FMNL2: variants seen among roughly 807,000 people sequenced by gnomAD.
FMNL2 encodes formin-like protein 2.
Under a neutral mutation model 130.2 loss-of-function variants are expected in FMNL2, and 51 were observed. The ratio of observed to expected loss-of-function variants is 0.39; its 90% CI spans 0.31 to 0.49. The LOEUF is 0.49. FMNL2 is among the 20% of genes least tolerant of loss of function. FMNL2 has a pLI of 0.85. For synonymous variants in FMNL2, 465 were observed against 467.1 expected, an observed-to-expected ratio of 1.00 and a Z score of 0.06; for missense variants, 977 against 1,316.2, an observed-to-expected ratio of 0.74 and a Z score of 3.99.
intron 9 of FMNL2, among the ~76,000 whole-genome samples, chr2:152,589,106 T>TAA (rs397940537): frequency 0.024 from 3,446 of 141,926 alleles, 132 homozygotes; most frequent in African/African-American, 0.083. Flanking sequence ...TGGGGGAGCT[T>TAA]AAAAAAAAAA....
rs1454316622 is a variant in FMNL2 at position 152,370,827 on chromosome 2, C to T, written c.117+35107C>T. ...CTACTGCAAAGCTAGAGGCTTAAAA[C>T]TATGGTAAATATTTATTATCTCCCA... On this transcript the variant is annotated intron_variant, in intron 1 of 25. Coordinates refer to ENST00000288670, the MANE Select transcript of FMNL2 (RefSeq NM_052905.4). 2.0e-5 allele frequency among the ~76,000 whole-genome samples: 3 copies of T among 152,286 alleles called. No individual in the cohort carries two copies. In the East Asian group the frequency reaches 5.8e-4, roughly 29 times the overall value.
intron 1 of FMNL2, among the ~76,000 whole-genome samples, chr2:152,486,935 AAATATTT>A (rs1202199489): frequency 2.0e-5 from 3 of 152,194 alleles, no homozygotes; most frequent in Non-Finnish European, 2.9e-5. Context: ...GCTTAACTTA[AAATATTT>A]AGTTTTCTTC....
intron 1 of FMNL2, among the ~76,000 whole-genome samples, chr2:152,407,745 G>A (rs375063648): frequency 2.0e-5 from 3 of 152,108 alleles, no homozygotes; most frequent in Non-Finnish European, 4.4e-5. Context: ...TGTTGGTTTC[G>A]TCTTAATTAG....
chr2:152,606,629 CTTTTTT>C (rs70974875), intron 9 of FMNL2, among the ~76,000 whole-genome samples: 8 of 105,468 alleles, frequency 7.6e-5, no homozygotes, highest in Non-Finnish European at 9.4e-5. Flanking sequence ...TTTTTTGACT[CTTTTTT>C]TTTTTTTTTT....
At chr2:152,367,199 T>G (rs1278043533) in intron 1 of FMNL2, among the ~76,000 whole-genome samples, 2 of 151,338 alleles carry the variant, frequency 1.3e-5, no homozygotes, top group Non-Finnish European at 2.9e-5. Flanking sequence ...CCTTAGCCTC[T>G]CGAGTAGCTG....
At chr2:152,573,841 C>A (rs116481125) in intron 6 of FMNL2, among the ~76,000 whole-genome samples, 1 of 151,936 alleles carries the variant, frequency 6.6e-6, no homozygotes, top group South Asian at 2.1e-4. Flanking sequence ...TTATATATTG[C>A]GTATTTTCTA....
chr2:152,618,027 G>T (rs1033770153), intron 13 of FMNL2, among the ~76,000 whole-genome samples: 29 of 152,132 alleles, frequency 1.9e-4, no homozygotes, highest in Non-Finnish European at 3.4e-4. Flanking sequence ...TAATAGACAG[G>T]GTGTGAAGAA....
intron 10 of FMNL2, 58 bp downstream of exon 10, chr2:152,607,471 AC>A (rs2105847582): frequency 4.5e-5 from 1 of 22,350 alleles, no homozygotes; most frequent in Non-Finnish European, 7.3e-5. Flanking sequence ...TTTTCTAAAT[AC>A]ACACACACAC....
intron 2 of FMNL2, among the ~76,000 whole-genome samples, chr2:152,523,489 A>G (rs1044540583): frequency 2.0e-5 from 3 of 152,214 alleles, no homozygotes; most frequent in Non-Finnish European, 2.9e-5. Flanking sequence ...ACTTACATGA[A>G]GTTGTAAACT....
chr2:152,469,508 G>A (rs1402355679), intron 1 of FMNL2, among the ~76,000 whole-genome samples: 1 of 152,132 alleles, frequency 6.6e-6, no homozygotes, highest in Non-Finnish European at 1.5e-5. Context: ...TCTGACTCAT[G>A]CCATTTCTTT....
intron 1 of FMNL2, among the ~76,000 whole-genome samples, chr2:152,363,252 C>T (rs1683287326): frequency 6.6e-6 from 1 of 152,156 alleles, no homozygotes; most frequent in South Asian, 2.1e-4. Context: ...AATCACACTG[C>T]AAATGATTCT....
At chr2:152,544,322 C>A (rs1462990073) in intron 3 of FMNL2, among the ~76,000 whole-genome samples, 1 of 152,064 alleles carries the variant, frequency 6.6e-6, no homozygotes, top group East Asian at 1.9e-4. Flanking sequence ...GTAGGAGAAT[C>A]GCTTGAACCC....
At chr2:152,539,054 G>C (rs951846569) in intron 2 of FMNL2, 1 of 152,126 alleles carries the variant, frequency 6.6e-6, no homozygotes, top group Non-Finnish European at 1.5e-5. Flanking sequence ...TTTTAAAACT[G>C]CTTCATATCC....
chr2:152,337,225 C>T (rs1399961305), intron 1 of FMNL2, among the ~76,000 whole-genome samples: 1 of 152,192 alleles, frequency 6.6e-6, no homozygotes, highest in Non-Finnish European at 1.5e-5. Flanking sequence ...ACGGCCTAGG[C>T]ATAACTCTCA....
intron 1 of FMNL2, among the ~76,000 whole-genome samples, chr2:152,492,979 C>T (rs1250983476): frequency 6.6e-6 from 1 of 152,100 alleles, no homozygotes; most frequent in Non-Finnish European, 1.5e-5. Context: ...TAACACTGCC[C>T]AACATGAAGC....
At chr2:152,523,961 C>T in intron 2 of FMNL2, among the ~76,000 whole-genome samples, 1 of 152,058 alleles carries the variant, frequency 6.6e-6, no homozygotes, top group Non-Finnish European at 1.5e-5. Context: ...GCAGAGAGGG[C>T]AGAAGGGAAA....
intron 9 of FMNL2, among the ~76,000 whole-genome samples, chr2:152,604,845 C>T (rs1698272419): frequency 6.7e-6 from 1 of 149,202 alleles, no homozygotes; most frequent in Admixed American, 6.7e-5. Context: ...ATCTGCCCAC[C>T]TCGTCCTCCC....
chr2:152,422,083 G>C (rs1301592681), intron 1 of FMNL2, among the ~76,000 whole-genome samples: 1 of 152,196 alleles, frequency 6.6e-6, no homozygotes, highest in East Asian at 1.9e-4. Context: ...ATCTGACAGG[G>C]CCTGAGCTCT....
chr2:152,409,388 G>A (rs1686166096), intron 1 of FMNL2, among the ~76,000 whole-genome samples: 1 of 152,276 alleles, frequency 6.6e-6, no homozygotes, highest in South Asian at 2.1e-4. Context: ...TAAAATCATG[G>A]TCTCTGCTGT....
Sources: gnomAD v4.1 joint callset for allele counts (sites outside exome capture counted in the v4.1 genomes callset) on GRCh38, gnomAD v4.1.1 for gene constraint, MANE v1.5 for transcripts, NCBI Gene and HGNC (gene_info 2026-07-23, HGNC 2026-07-21) for gene names.